The following PABIR2 variants were observed in gnomAD, a reference collection of about 807,000 sequenced individuals.
PABIR2 encodes PABIR family member 2.
PABIR2 carries 7 observed loss-of-function variants against 22.8 expected under a neutral mutation model. That is an observed-to-expected ratio of 0.31 (90% CI 0.17 to 0.58). PABIR2 has a LOEUF of 0.58. Ranked by LOEUF, PABIR2 falls within the 20% of genes least tolerant of loss-of-function variation. The pLI, the probability that PABIR2 is intolerant of heterozygous loss-of-function variation, is 0.89. For synonymous variants in PABIR2, 67 were observed against 73.8 expected, an observed-to-expected ratio of 0.91 and a Z score of 0.47; for missense variants, 155 against 205.1, an observed-to-expected ratio of 0.76 and a Z score of 1.49.
intron 7 of PABIR2, 129 bp from the exon 8 acceptor site, chrX:134,786,079 G>A: frequency 1.7e-6 from 1 of 574,568 alleles, no homozygotes; most frequent in Non-Finnish European, 2.8e-6. Flanking sequence ...AAATTCTTCT[G>A]TAATTGAGTA....
chrX:134,775,387 G>A (rs888444055), intron 9 of PABIR2, among the ~76,000 whole-genome samples: 16 of 108,465 alleles, frequency 1.5e-4, no homozygotes, highest in African/African-American at 5.4e-4. Flanking sequence ...GCGTGGTGGC[G>A]GGCGCCTGTA....
rs770544570 is a variant in PABIR2, at chrX:134,788,867, T to G, written c.334-36A>C. ...AAAGTGTCATCTCCTCATAATAAAT[T>G]CAGCACATCACAGCTCTTACTTACT... On this transcript the variant is annotated intron_variant, in intron 5 of 9. Transcript: ENST00000343004. 3.7e-5 allele frequency: 42 copies of G among 1,129,812 alleles called. No individual in the cohort carries two copies. In the East Asian group the frequency reaches 1.0e-3, roughly 27 times the overall value. 93.1% of individuals were successfully genotyped at this position (1,129,812 alleles called of 1,213,427 possible).
intron 2 of PABIR2, among the ~76,000 whole-genome samples, chrX:134,791,058 G>A (rs1003424435): frequency 9.0e-6 from 1 of 111,620 alleles, no homozygotes; most frequent in African/African-American, 3.3e-5. Flanking sequence ...AAAACTAACT[G>A]GGGAGAAAGT....
In PABIR2 at chrX:134,796,492, GAAGGATGGAGGGAAAAC is replaced by G; in HGVS notation, c.-304_-288del. On this transcript the variant is annotated 5_prime_UTR_variant, in exon 1 of 10. Coordinates refer to ENST00000343004, the MANE Select transcript of PABIR2 (RefSeq NM_001387468.1). ...GAATGAAGGAAAAGGATGAAGGAAA[GAAGGATGGAGGGAAAAC>G]AAGGATGGAGGGAGGAGGGAAGAGG... 1 of 277,149 alleles carries G rather than the reference GAAGGATGGAGGGAAAAC, an allele frequency of 3.6e-6. No individual in the cohort carries two copies. The highest frequency in any genetic ancestry group is 6.5e-6 in the Non-Finnish European group (1 of 154,783). 22.8% of individuals were successfully genotyped at this position (277,149 alleles called of 1,213,427 possible).
intron 9 of PABIR2, among the ~76,000 whole-genome samples, chrX:134,778,104 G>A (rs1213469062): frequency 9.6e-6 from 1 of 103,636 alleles, no homozygotes; most frequent in Non-Finnish European, 2.0e-5. Context: ...TGTTGTCCAG[G>A]CTGGTCTTGA....
intron 1 of PABIR2, among the ~76,000 whole-genome samples, chrX:134,794,658 G>C (rs1207746231): frequency 8.9e-6 from 1 of 112,143 alleles, no homozygotes; most frequent in Non-Finnish European, 1.9e-5. Context: ...CATTGGTAGA[G>C]AGGTGTTTTG....
Position 134,771,945 on chromosome X carries a change from C to T in PABIR2, c.*194G>A. On this transcript the variant is annotated 3_prime_UTR_variant, in exon 10 of 10. Transcript: ENST00000343004. ...AAATCCAAAATGAGATCAGCAAAAC[C>T]AGATACTAGTAAGGTCACTAGGCTC... 1.7e-5 allele frequency: 16 copies of T among 956,239 alleles called. No homozygotes were observed. The highest frequency in any genetic ancestry group is 2.1e-5 in the Non-Finnish European group (16 of 766,597). The allele number at this position is 956,239 out of a possible 1,213,427, so 78.8% of individuals were successfully genotyped here. A position where few individuals can be genotyped will look rare whatever the true frequency, so the allele number is the denominator to read the frequency against.
At chrX:134,773,957 G>C (rs756998179) in intron 9 of PABIR2, among the ~76,000 whole-genome samples, 1 of 111,640 alleles carries the variant, frequency 9.0e-6, no homozygotes, top group Non-Finnish European at 1.9e-5. Flanking sequence ...CTACTCTTCT[G>C]CTTTTCTTTA....
chrX:134,793,820 T>G lies in PABIR2; in HGVS notation c.172A>C (p.Ser58Arg). The change falls in exon 2 of 10, where the codon AGC (serine) becomes CGC (arginine). Residue 58 changes from serine (S) to arginine (R), a missense_variant. Ser to Arg is a moderately radical substitution (Grantham distance 110, BLOSUM62 -1). Coordinates refer to ENST00000343004, the MANE Select transcript of PABIR2 (RefSeq NM_001387468.1). ...RNSTTIMSRH[S>R]LLLSSSPNRI... is the part of the protein sequence containing the mutation. ...ATACTTACTTCTATACTTACCAGGC[T>G]GTGACGGCTCATAATTGTTGTACTA... is the stretch of plus-strand genomic sequence containing the variant. The G allele has an allele frequency of 8.3e-7, 1 of 1,210,270 alleles. No individual in the cohort carries two copies. The highest frequency in any genetic ancestry group is 1.7e-5 in the African/African-American group (1 of 58,005).
rs1258219486 is a variant in PABIR2 at position 134,789,675 on chromosome X, A to T, written c.178-39T>A. ...GTAAACATTTACTATTTTCTGAATC[A>T]CAAAGCAGCAGTCTGCTGTCAGTAC... On this transcript the variant is annotated intron_variant, in intron 2 of 9. Transcript: ENST00000343004. 4.6e-6 allele frequency: 5 copies of T among 1,092,905 alleles called. No individual in the cohort carries two copies. In the Admixed American group the frequency reaches 1.3e-4, roughly 29 times the overall value. 90.1% of individuals were successfully genotyped at this position (1,092,905 alleles called of 1,213,427 possible). A position where few individuals can be genotyped will look rare whatever the true frequency, so the allele number is the denominator to read the frequency against.
chrX:134,773,360 C>T (rs1255934745), intron 9 of PABIR2, among the ~76,000 whole-genome samples: 3 of 108,972 alleles, frequency 2.8e-5, no homozygotes, highest in Middle Eastern at 4.2e-3. Flanking sequence ...GTGGTCCCAG[C>T]CCTCATTGAA....
At chrX:134,785,301 A>C (rs917596938) in intron 8 of PABIR2, among the ~76,000 whole-genome samples, 1 of 111,904 alleles carries the variant, frequency 8.9e-6, no homozygotes, top group East Asian at 2.8e-4. Flanking sequence ...TTGGCTAGGT[A>C]TAAGACCAGA....
At position 134,793,823 on chromosome X, in the gene PABIR2, G is replaced by A. The variant is rs1483888603; in HGVS notation, c.169C>T (p.His57Tyr). ...CTTACTTCTATACTTACCAGGCTGT[G>A]ACGGCTCATAATTGTTGTACTATTC... ...RRNSTTIMSR[H>Y]SLLLSSSPNR... Residue 57 changes from histidine to tyrosine, a missense_variant, in exon 2 of 10, where the codon CAC becomes TAC. Coordinates refer to ENST00000343004, the MANE Select transcript of PABIR2 (RefSeq NM_001387468.1). 3 of 1,210,123 alleles carry A rather than the reference G, an allele frequency of 2.5e-6. No individual in the cohort carries two copies. The East Asian group carries it at 8.9e-5, about 36-fold the overall frequency.
intron 1 of PABIR2, among the ~76,000 whole-genome samples, chrX:134,795,877 G>A (rs1333281737): frequency 3.6e-5 from 4 of 111,332 alleles, no homozygotes; most frequent in African/African-American, 1.3e-4. Flanking sequence ...TTTACAGAGG[G>A]ACAACATGGC....
chrX:134,779,985 GGACA>G (rs1473472239), intron 9 of PABIR2, among the ~76,000 whole-genome samples: 1 of 112,433 alleles, frequency 8.9e-6, no homozygotes, highest in African/African-American at 3.2e-5. Flanking sequence ...GAACTAGCAA[GGACA>G]GACAGAGATG....
intron 9 of PABIR2, among the ~76,000 whole-genome samples, chrX:134,780,001 G>A (rs2079114581): frequency 8.9e-6 from 1 of 112,557 alleles, no homozygotes; most frequent in South Asian, 3.6e-4. Context: ...ACAGAGATGA[G>A]AGGAAAAGAG....
intron 7 of PABIR2, among the ~76,000 whole-genome samples, chrX:134,787,095 T>A: frequency 9.2e-6 from 1 of 108,992 alleles, no homozygotes; most frequent in Non-Finnish European, 1.9e-5. Context: ...AAAGAGTTAA[T>A]CTTCTTTTTT....
chrX:134,789,133 C>G lies in PABIR2; in HGVS notation c.285G>C (p.Met95Ile). Residue 95 changes from methionine (M) to isoleucine (I), a missense_variant, in exon 5 of 10, where the codon ATG (methionine) becomes ATC (isoleucine). Transcript: ENST00000343004. ...VNRETAHERE[M>I]QTAMQISQSW... is the part of the protein sequence containing the mutation. The stretch of plus-strand genomic sequence containing the variant: ...ATTGGCTTATCTGCATTGCCGTTTG[C>G]ATTTCCCTAAAATAAACAAAGGGAA... The G allele has an allele frequency of 8.3e-7, 1 of 1,212,079 alleles. No homozygotes were observed. The highest frequency in any genetic ancestry group is 1.7e-5 in the African/African-American group (1 of 57,880).
intron 1 of PABIR2, 86 bp from the exon 2 acceptor site, chrX:134,793,979 A>C: frequency 7.0e-6 from 8 of 1,136,952 alleles, no homozygotes; most frequent in Non-Finnish European, 9.3e-6. Flanking sequence ...CATTAGCATC[A>C]GTTATCTAGT....
Sources: gnomAD v4.1 joint callset for allele counts (sites outside exome capture counted in the v4.1 genomes callset) on GRCh38, gnomAD v4.1.1 for gene constraint, MANE v1.5 for transcripts, NCBI Gene and HGNC (gene_info 2026-07-23, HGNC 2026-07-21) for gene names.